The following ODR4 variants were observed in gnomAD, a reference collection of about 807,000 sequenced individuals.
The protein encoded by ODR4 is protein odr-4 homolog.
In ODR4, 47 loss-of-function variants were observed where a neutral mutation model predicts 60.2. The ratio of observed to expected loss-of-function variants is 0.78; its 90% CI spans 0.62 to 1.00. ODR4 has a LOEUF of 1.00. Ranked by LOEUF, ODR4 falls within the 50% of genes least tolerant of loss-of-function variation. The pLI is 0.00. For missense variants in ODR4, 488 were observed against 530.8 expected, an observed-to-expected ratio of 0.92 and a Z score of 0.79; for synonymous variants, 178 against 175.5, an observed-to-expected ratio of 1.01 and a Z score of -0.11.
At chr1:186,402,415 TGA>T (rs1661017710) in intron 11 of ODR4, among the ~76,000 whole-genome samples, 1 of 151,070 alleles carries the variant, frequency 6.6e-6, no homozygotes, top group South Asian at 2.1e-4. Flanking sequence ...TTTTTTTTAA[TGA>T]GAGACAGGGT....
intron 11 of ODR4, chr1:186,399,340 G>A: frequency 2.7e-6 from 1 of 373,924 alleles, no homozygotes; most frequent in South Asian, 2.3e-5. Context: ...CTAGTAGGTG[G>A]GCCTGCAGGC....
At position 186,383,157 on chromosome 1, in the gene ODR4, G is replaced by T. The variant is rs1257459762; in HGVS notation, c.234+1G>T. Reference sequence around the variant, plus strand: ...ATGGGCCACAGAACATGCCTGCCAGGTTATCTTATTTTTTTGTTTATATGT... The same window carrying T: ...ATGGGCCACAGAACATGCCTGCCAGTTTATCTTATTTTTTTGTTTATATGT... On this transcript the variant is annotated splice_donor_variant, in intron 3 of 13. Transcript: ENST00000287859. LOFTEE classifies it high-confidence loss of function. The T allele has an allele frequency of 3.2e-6, 5 of 1,540,678 alleles. No homozygotes were observed. In the South Asian group the frequency reaches 4.9e-5, roughly 15 times the overall value.
chr1:186,432,385 T>G, the ODR4 span, among the ~76,000 whole-genome samples: 1 of 152,222 alleles, frequency 6.6e-6, no homozygotes, highest in Admixed American at 6.5e-5. Flanking sequence ...AAAGATTATA[T>G]GAGTTTAATA....
intron 5 of ODR4, among the ~76,000 whole-genome samples, chr1:186,389,299 T>C (rs1052589928): frequency 6.6e-6 from 1 of 152,108 alleles, no homozygotes; most frequent in Non-Finnish European, 1.5e-5. Context: ...GAGAAGAATC[T>C]CACGAGTGCT....
At chr1:186,385,545 A>G (rs534413501) in intron 3 of ODR4, among the ~76,000 whole-genome samples, 7 of 152,060 alleles carry the variant, frequency 4.6e-5, no homozygotes, top group African/African-American at 1.7e-4. Flanking sequence ...AGAAAAAGTC[A>G]GTTTCGGCCT....
chr1:186,423,781 A>C (rs1661839288), downstream of ODR4, among the ~76,000 whole-genome samples: 1 of 152,092 alleles, frequency 6.6e-6, no homozygotes, highest in African/African-American at 2.4e-5. Flanking sequence ...ATTGTCCTGT[A>C]GAAAAATAAG....
In ODR4 at chr1:186,381,628, A is replaced by G. The variant is rs571802685; in HGVS notation, c.100-1394A>G. 2.2e-3 allele frequency among the ~76,000 whole-genome samples: 327 copies of G among 152,008 alleles called. 4 individuals carry two copies. Among genetic ancestry groups the G allele is most frequent in the Admixed American group, 0.02 (303 of 15,290 alleles). ...AGGCGTGAGCCACCGCGCCCGGCCT[A>G]AGGCCTTCCTTCTATCTCTTTTTAT... On this transcript the variant is annotated intron_variant, in intron 2 of 13. Transcript: ENST00000287859.
At chr1:186,398,221 C>A in intron 9 of ODR4, 92 bp from the exon 10 acceptor site, 1 of 1,188,176 alleles carries the variant, frequency 8.4e-7, no homozygotes, top group Non-Finnish European at 1.1e-6. Flanking sequence ...AAACTTTGTT[C>A]TCTCTTCATA....
chr1:186,400,054 C>T (rs2697466), intron 11 of ODR4, among the ~76,000 whole-genome samples: 4 of 139,714 alleles, frequency 2.9e-5, no homozygotes, highest in Non-Finnish European at 4.6e-5. Context: ...TGCAGTGGCG[C>T]GATCTCGACT....
At chr1:186,403,023 T>G (rs1337829720) in intron 11 of ODR4, among the ~76,000 whole-genome samples, 1 of 152,172 alleles carries the variant, frequency 6.6e-6, no homozygotes, top group Non-Finnish European at 1.5e-5. Context: ...ATGTTGGAGA[T>G]GATGGAGGAG....
chr1:186,380,103 C>A lies in ODR4; in HGVS notation c.99+219C>A, dbSNP rs1659969051. 2.0e-5 allele frequency among the ~76,000 whole-genome samples: 3 copies of A among 152,096 alleles called. No individual in the cohort carries two copies. The South Asian group carries it at 6.2e-4, about 32-fold the overall frequency. On this transcript the variant is annotated intron_variant, in intron 2 of 13. Coordinates refer to ENST00000287859, the MANE Select transcript of ODR4 (RefSeq NM_017847.6). The stretch of plus-strand genomic sequence containing the variant: ...CAATTTTGCTCGTCAGGACACCTTC[C>A]CCTTTGACCATGTAAACGTAATTTA...
At chr1:186,394,859 AT>A (rs1223162520) in intron 9 of ODR4, among the ~76,000 whole-genome samples, 5 of 152,192 alleles carry the variant, frequency 3.3e-5, no homozygotes, top group Admixed American at 1.3e-4. Flanking sequence ...CCTTAGAGGT[AT>A]TTTAGTCTCT....
downstream of ODR4, among the ~76,000 whole-genome samples, chr1:186,421,861 CAA>C (rs781496268): frequency 2.4e-4 from 7 of 29,286 alleles, no homozygotes; most frequent in Admixed American, 6.9e-4. Flanking sequence ...GACTCTATCT[CAA>C]AAAAAAAAAA....
intron 5 of ODR4, 148 bp downstream of exon 5, chr1:186,388,696 C>T: frequency 1.9e-6 from 1 of 532,780 alleles, no homozygotes; most frequent in South Asian, 2.7e-5. Flanking sequence ...ATTAGAGCCA[C>T]CAATAATAAT....
Position 186,400,912 on chromosome 1 carries a change from C to T in ODR4, c.1000+1868C>T, listed in dbSNP as rs971076940. 18 of 752,212 alleles carry T rather than the reference C, an allele frequency of 2.4e-5. No individual in the cohort carries two copies. The South Asian group carries it at 2.7e-4, about 11-fold the overall frequency. The allele number at this position is 752,212 out of a possible 1,614,324, so 46.6% of individuals were successfully genotyped here. A position where few individuals can be genotyped will look rare whatever the true frequency, so the allele number is the denominator to read the frequency against. ...TCACATAGTCCATCAGTCTAGCAGC[C>T]CCATCTCAGTGTGGCTTTGTTTTTG... On this transcript the variant is annotated intron_variant, in intron 11 of 13. Coordinates refer to ENST00000287859, the MANE Select transcript of ODR4 (RefSeq NM_017847.6).
intron 9 of ODR4, among the ~76,000 whole-genome samples, chr1:186,397,999 A>T (rs553631894): frequency 6.6e-6 from 1 of 152,268 alleles, no homozygotes; most frequent in South Asian, 2.1e-4. Flanking sequence ...CACAGTACTG[A>T]TGTGAATAAT....
chr1:186,401,128 A>G (rs1198298975), intron 11 of ODR4: 9 of 1,596,916 alleles, frequency 5.6e-6, no homozygotes, highest in Non-Finnish European at 7.7e-6. Flanking sequence ...ATCCTTTATA[A>G]AAGTGGTATT....
chr1:186,407,973 A>G (rs1050734017), intron 12 of ODR4, among the ~76,000 whole-genome samples: 3 of 152,110 alleles, frequency 2.0e-5, no homozygotes, highest in African/African-American at 7.2e-5. Context: ...CTTCTTAAAT[A>G]TACTCTGATT....
chr1:186,400,018 GT>G (rs1235942872), intron 11 of ODR4, among the ~76,000 whole-genome samples: 1 of 125,046 alleles, frequency 8.0e-6, no homozygotes, highest in African/African-American at 3.1e-5. Context: ...TTGAGACGGA[GT>G]TTCGCTCTGT....
Sources: gnomAD v4.1 joint callset for allele counts (sites outside exome capture counted in the v4.1 genomes callset) on GRCh38, gnomAD v4.1.1 for gene constraint, MANE v1.5 for transcripts, NCBI Gene and HGNC (gene_info 2026-07-23, HGNC 2026-07-21) for gene names.